Variants in MCTP1 observed in about 807,000 individuals in gnomAD.
MCTP1 encodes the protein multiple C2 and transmembrane domain containing 1.
MCTP1 carries 69 observed loss-of-function variants against 120.6 expected under a neutral mutation model. The observed-to-expected ratio is 0.57, with a 90% CI of 0.47 to 0.70. MCTP1 has a LOEUF of 0.70. Among genes scored for constraint, MCTP1 ranks in the 30% least tolerant of loss-of-function variants. The probability of loss-of-function intolerance (pLI) is 0.00; values close to 1 mark genes in which losing one functional copy is unlikely to be tolerated. For synonymous variants in MCTP1, 529 were observed against 493.1 expected (o/e 1.07, Z -0.96); for missense variants, 1,203 against 1,248.8 (o/e 0.96, Z 0.55).
chr5:94,748,766 C>T (rs1767525210), intron 19 of MCTP1, among the ~76,000 whole-genome samples: 1 of 152,336 alleles, frequency 6.6e-6, no homozygotes, highest in South Asian at 2.1e-4. Context: ...GAGCCAGAAG[C>T]ACTGTAGCAC....
chr5:95,063,365 A>G (rs1749763169), intron 1 of MCTP1, among the ~76,000 whole-genome samples: 1 of 152,100 alleles, frequency 6.6e-6, no homozygotes, highest in South Asian at 2.1e-4. Context: ...CTCCTGTGAA[A>G]TGTTTCTATT....
intron 19 of MCTP1, among the ~76,000 whole-genome samples, chr5:94,773,404 C>T (rs531589648): frequency 5.3e-5 from 8 of 152,286 alleles, no homozygotes; most frequent in Middle Eastern, 3.4e-3. Flanking sequence ...AACACAAGGA[C>T]TGTTCCAATT....
At chr5:94,931,768 A>C in intron 6 of MCTP1, 185 bp downstream of exon 6, 1 of 599,966 alleles carries the variant, frequency 1.7e-6, no homozygotes, top group Non-Finnish European at 3.0e-6. Flanking sequence ...GATGATTTGA[A>C]GCTATTGATC....
At chr5:95,138,805 T>G (rs913319291) in intron 1 of MCTP1, among the ~76,000 whole-genome samples, 1 of 152,242 alleles carries the variant, frequency 6.6e-6, no homozygotes, top group African/African-American at 2.4e-5. Flanking sequence ...GCCTCTAGTG[T>G]GCAAAGTACA....
intron 1 of MCTP1, among the ~76,000 whole-genome samples, chr5:95,219,120 G>A (rs891038977): frequency 2.6e-5 from 4 of 152,096 alleles, no homozygotes; most frequent in South Asian, 4.1e-4. Flanking sequence ...AGTGGCTCAC[G>A]CCTGTAATCC....
chr5:94,921,368 T>C (rs1307396791), intron 7 of MCTP1, among the ~76,000 whole-genome samples: 1 of 152,250 alleles, frequency 6.6e-6, no homozygotes, highest in Non-Finnish European at 1.5e-5. Context: ...GTAGCACTGA[T>C]GTTCCAGCTG....
intron 1 of MCTP1, among the ~76,000 whole-genome samples, chr5:95,075,831 T>C (rs1035025252): frequency 1.3e-5 from 2 of 152,226 alleles, no homozygotes; most frequent in East Asian, 1.9e-4. Flanking sequence ...AGTGGTAATC[T>C]GGATACTTGT....
intron 19 of MCTP1, among the ~76,000 whole-genome samples, chr5:94,752,343 T>A (rs1186283810): frequency 6.6e-6 from 1 of 151,692 alleles, no homozygotes; most frequent in Non-Finnish European, 1.5e-5. Flanking sequence ...ACCCTTTCAG[T>A]ATTACTCAGC....
intron 1 of MCTP1, among the ~76,000 whole-genome samples, chr5:95,168,459 G>T (rs1461143820): frequency 1.3e-5 from 2 of 152,118 alleles, no homozygotes; most frequent in Non-Finnish European, 2.9e-5. Flanking sequence ...TAATGGGGAT[G>T]GCATTGAATC....
intron 2 of MCTP1, among the ~76,000 whole-genome samples, chr5:94,953,838 TATATACACAACTATATATATGC>T (rs1561916261): frequency 1.8e-4 from 8 of 44,578 alleles, no homozygotes; most frequent in Non-Finnish European, 3.2e-4. Context: ...TACATATATA[TATATACACAACTATATATATGC>T]ATATATATAC....
At chr5:95,088,283 C>A (rs1196827356) in intron 1 of MCTP1, among the ~76,000 whole-genome samples, 1 of 152,222 alleles carries the variant, frequency 6.6e-6, no homozygotes, top group East Asian at 1.9e-4. Context: ...CTTACTCTCA[C>A]TCTAACCCCG....
intron 1 of MCTP1, among the ~76,000 whole-genome samples, chr5:95,213,665 G>C (rs1752674924): frequency 6.6e-6 from 1 of 151,312 alleles, no homozygotes; most frequent in South Asian, 2.1e-4. Context: ...CCAAAACAGA[G>C]ATATAGATCA....
chr5:94,921,720 T>C, intron 7 of MCTP1, among the ~76,000 whole-genome samples: 1 of 152,214 alleles, frequency 6.6e-6, no homozygotes, highest in East Asian at 1.9e-4. Context: ...ACTTGGTCAC[T>C]GATTTTCTGA....
intron 4 of MCTP1, among the ~76,000 whole-genome samples, chr5:94,940,591 TATATATAC>T (rs1817431134): frequency 6.9e-6 from 1 of 144,582 alleles, no homozygotes. Context: ...TATATGTATA[TATATATAC>T]ACATATACAT....
chr5:94,833,113 A>C (rs1788937466), intron 17 of MCTP1, among the ~76,000 whole-genome samples: 1 of 152,230 alleles, frequency 6.6e-6, no homozygotes, highest in Non-Finnish European at 1.5e-5. Context: ...TCTGAAAAAA[A>C]TAAGCAAAAG....
At chr5:94,820,605 A>C (rs1785420627) in intron 17 of MCTP1, among the ~76,000 whole-genome samples, 1 of 152,190 alleles carries the variant, frequency 6.6e-6, no homozygotes, top group Non-Finnish European at 1.5e-5. Context: ...CTCAACTTTT[A>C]AAAGAGTTGT....
intron 2 of MCTP1, among the ~76,000 whole-genome samples, chr5:94,993,089 T>C (rs561652725): frequency 6.6e-5 from 10 of 152,340 alleles, no homozygotes; most frequent in Admixed American, 2.6e-4. Flanking sequence ...TCAACTAGGA[T>C]TTATTTTCAG....
intron 1 of MCTP1, among the ~76,000 whole-genome samples, chr5:95,279,581 TAAC>T (rs1315153899): frequency 1.3e-5 from 2 of 152,200 alleles, no homozygotes; most frequent in Admixed American, 1.3e-4. Context: ...CCAATAATAA[TAAC>T]AAGCACAGCA....
chr5:95,204,790 G>A (rs1461942899), intron 1 of MCTP1, among the ~76,000 whole-genome samples: 5 of 151,748 alleles, frequency 3.3e-5, no homozygotes, highest in Admixed American at 6.6e-5. Context: ...TAAAATACTC[G>A]TAAATAAATT....
Sources: gnomAD v4.1 joint callset for allele counts (sites outside exome capture counted in the v4.1 genomes callset) on GRCh38, gnomAD v4.1.1 for gene constraint, MANE v1.5 for transcripts, NCBI Gene and HGNC (gene_info 2026-07-23, HGNC 2026-07-21) for gene names.